Variants in IFT81 observed in about 807,000 individuals in gnomAD.
IFT81 encodes intraflagellar transport 81, also known as intraflagellar transport protein 81 homolog.
Under a neutral mutation model 102.6 loss-of-function variants are expected in IFT81, and 72 were observed. That is an observed-to-expected ratio of 0.70 (90% CI 0.58 to 0.85). The LOEUF (loss-of-function observed/expected upper bound fraction) is 0.85, where lower values mean the gene tolerates loss of function less well. IFT81 is among the 40% of genes least tolerant of loss of function. The pLI, the probability that IFT81 is intolerant of heterozygous loss-of-function variation, is 0.00. For synonymous variants in IFT81, 237 were observed against 242.7 expected (o/e 0.98, Z 0.22); for missense variants, 723 against 787.3 (o/e 0.92, Z 0.98).
intron 12 of IFT81, among the ~76,000 whole-genome samples, chr12:110,184,207 G>A (rs186072422): frequency 3.6e-4 from 55 of 152,134 alleles, no homozygotes; most frequent in South Asian, 2.1e-4. Context: ...AAAATTATCC[G>A]GGCGTGGTGG....
rs546062770 is a variant in IFT81, at chr12:110,186,941, G to T, written c.1339-3979G>T. Reference sequence around the variant, plus strand: ...TCCATGTATTTCTTATGGGCTTTGTGTTTTTCTTTTTCTTTTTTTCATTTT... The same window carrying T: ...TCCATGTATTTCTTATGGGCTTTGTTTTTTTCTTTTTCTTTTTTTCATTTT... On this transcript the variant is annotated intron_variant, in intron 12 of 18. Coordinates refer to ENST00000242591, the MANE Select transcript of IFT81 (RefSeq NM_014055.4). Among the ~76,000 whole-genome samples, 4 of 151,486 alleles carry T rather than the reference G, an allele frequency of 2.6e-5. 1 individual carries two copies. The highest frequency in any genetic ancestry group is 9.7e-5 in the African/African-American group (4 of 41,264).
intron 8 of IFT81, among the ~76,000 whole-genome samples, chr12:110,141,117 C>T (rs938537056): frequency 2.0e-5 from 3 of 152,052 alleles, no homozygotes; most frequent in East Asian, 3.9e-4. Context: ...CTCTGCCTCC[C>T]GGGTTCAAAC....
In IFT81 at chr12:110,218,048, T is replaced by C; in HGVS notation, c.1853T>C (p.Leu618Pro). 6.3e-7 allele frequency: 1 copy of C among 1,594,674 alleles called. No individual in the cohort carries two copies. The highest frequency in any genetic ancestry group is 8.5e-7 in the Non-Finnish European group (1 of 1,173,160). Reference sequence around the variant, plus strand: ...CTTGTTTTTTTTTAATGATAGAAACTTCGGGAAAAACAAAAAGTTATACGA... The same window carrying C: ...CTTGTTTTTTTTTAATGATAGAAACCTCGGGAAAAACAAAAAGTTATACGA... ...TAEQENLGKK[L>P]REKQKVIRES... The change falls in exon 19 of 19, where the codon CTT becomes CCT. Residue 618 changes from leucine (L) to proline (P), a missense_variant. Coordinates refer to ENST00000242591, the MANE Select transcript of IFT81 (RefSeq NM_014055.4).
chr12:110,125,427 C>T (rs760561492), intron 1 of IFT81, among the ~76,000 whole-genome samples: 7 of 152,200 alleles, frequency 4.6e-5, no homozygotes, highest in African/African-American at 1.2e-4. Context: ...CGGAGTCTCT[C>T]TCTGTCCCCC....
chr12:110,152,831 T>A (rs1004641486), intron 10 of IFT81, among the ~76,000 whole-genome samples: 1 of 152,058 alleles, frequency 6.6e-6, no homozygotes, highest in Non-Finnish European at 1.5e-5. Flanking sequence ...CTTCAAGAGA[T>A]CCTCCCGCCT....
intron 15 of IFT81, 126 bp from the exon 16 acceptor site, chr12:110,205,317 C>T: frequency 1.9e-6 from 2 of 1,043,632 alleles, no homozygotes; most frequent in Non-Finnish European, 2.7e-6. Flanking sequence ...CTAGAATAAA[C>T]AAAGTTAAAA....
intron 11 of IFT81, among the ~76,000 whole-genome samples, chr12:110,176,293 C>T (rs1897031685): frequency 1.3e-5 from 2 of 152,178 alleles, no homozygotes; most frequent in Admixed American, 6.5e-5. Context: ...CCCTGTACCC[C>T]GCCATGCCTC....
At chr12:110,150,523 C>T (rs1895468302) in intron 10 of IFT81, among the ~76,000 whole-genome samples, 1 of 152,180 alleles carries the variant, frequency 6.6e-6, no homozygotes, top group South Asian at 2.1e-4. Context: ...TACTTAGTCT[C>T]GTCAATCTCA....
intron 11 of IFT81, among the ~76,000 whole-genome samples, chr12:110,170,501 C>T (rs193044264): frequency 1.3e-5 from 2 of 152,260 alleles, no homozygotes; most frequent in East Asian, 3.9e-4. Flanking sequence ...GTGATTTTAC[C>T]ATCTTAGTCA....
intron 9 of IFT81, among the ~76,000 whole-genome samples, chr12:110,144,081 C>T (rs1895051080): frequency 6.9e-6 from 1 of 145,768 alleles, no homozygotes; most frequent in South Asian, 2.2e-4. Flanking sequence ...ACAATCTTCT[C>T]AGCTCACTGC....
intron 5 of IFT81, among the ~76,000 whole-genome samples, chr12:110,133,120 G>A (rs7955717): frequency 0.99 from 150,299 of 151,684 alleles, 74,468 homozygotes; most frequent in Middle Eastern, 1. Flanking sequence ...ACAGGCATGC[G>A]CCACCATGCC....
At chr12:110,150,874 G>A (rs995529009) in intron 10 of IFT81, among the ~76,000 whole-genome samples, 11 of 151,736 alleles carry the variant, frequency 7.2e-5, no homozygotes, top group East Asian at 3.9e-4. Context: ...TTATATAGAC[G>A]TATATACTCA....
chr12:110,189,952 A>G (rs1459621855), intron 12 of IFT81, among the ~76,000 whole-genome samples: 3 of 152,054 alleles, frequency 2.0e-5, no homozygotes, highest in Non-Finnish European at 4.4e-5. Flanking sequence ...TTCTGTCACC[A>G]CCACCCTGAT....
intron 12 of IFT81, among the ~76,000 whole-genome samples, 190 bp from the exon 13 acceptor site, chr12:110,190,730 A>G (rs1303145145): frequency 6.6e-6 from 1 of 152,212 alleles, no homozygotes; most frequent in East Asian, 1.9e-4. Flanking sequence ...TGAAGATACC[A>G]TAGGTTTATA....
rs191928798 is a variant in IFT81, at chr12:110,201,011, T to A, written c.1558-2853T>A. On this transcript the variant is annotated intron_variant, in intron 14 of 18. Transcript: ENST00000242591. ...CTTCTAATTAAAAAAAAAATTGACT[T>A]TTTTGTAATAACAGCTTAAAACACA... 7.0e-4 allele frequency among the ~76,000 whole-genome samples: 106 copies of A among 152,282 alleles called. 1 individual carries two copies. The highest frequency in any genetic ancestry group is 6.8e-3 in the Middle Eastern group (2 of 294).
chr12:110,206,745 G>A (rs1322621912), intron 17 of IFT81, among the ~76,000 whole-genome samples: 2 of 150,114 alleles, frequency 1.3e-5, no homozygotes, highest in Non-Finnish European at 3.0e-5. Context: ...TCAATGTAAT[G>A]CACTAGAATG....
At chr12:110,143,572 T>C (rs764142019) in intron 9 of IFT81, 27 bp downstream of exon 9, 2 of 1,512,594 alleles carry the variant, frequency 1.3e-6, no homozygotes, top group Non-Finnish European at 1.8e-6. Context: ...TTTTTATAGC[T>C]CTCAATTTTA....
At chr12:110,214,458 A>G (rs532565206) in intron 18 of IFT81, among the ~76,000 whole-genome samples, 10 of 152,146 alleles carry the variant, frequency 6.6e-5, no homozygotes, top group Non-Finnish European at 1.3e-4. Flanking sequence ...CAAAGTGATG[A>G]TAGTCTAAGC....
At chr12:110,128,719 C>G (rs888251503) in intron 3 of IFT81, among the ~76,000 whole-genome samples, 4 of 147,338 alleles carry the variant, frequency 2.7e-5, no homozygotes, top group African/African-American at 1.0e-4. Context: ...TTCACCTGAG[C>G]CAGGAGGTTA....
Sources: gnomAD v4.1 joint callset for allele counts (sites outside exome capture counted in the v4.1 genomes callset) on GRCh38, gnomAD v4.1.1 for gene constraint, MANE v1.5 for transcripts, NCBI Gene and HGNC (gene_info 2026-07-23, HGNC 2026-07-21) for gene names.